The following LYPLAL1 variants were observed in gnomAD, a reference collection of about 807,000 sequenced individuals.
The protein encoded by LYPLAL1 is lysophospholipase-like protein 1.
In LYPLAL1, 23 loss-of-function variants were observed where a neutral mutation model predicts 19.7. That is an observed-to-expected ratio of 1.17 (90% CI 0.84 to 1.65). LYPLAL1 has a LOEUF of 1.65. Ranked by LOEUF, LYPLAL1 falls within the 40% of genes most tolerant of loss-of-function variation. The probability of loss-of-function intolerance (pLI) is 0.00; values close to 1 mark genes in which losing one functional copy is unlikely to be tolerated. For missense variants in LYPLAL1, 355 were observed against 279.4 expected, an observed-to-expected ratio of 1.27 and a Z score of -1.93; for synonymous variants, 119 against 96.3, an observed-to-expected ratio of 1.24 and a Z score of -1.38.
At chr1:219,403,379 C>G in the LYPLAL1 span, among the ~76,000 whole-genome samples, 7 of 152,168 alleles carry the variant, frequency 4.6e-5, no homozygotes, top group African/African-American at 1.7e-4. Flanking sequence ...TCAGAAAACC[C>G]TGGGGGGCTG....
chr1:219,221,899 T>TA, the LYPLAL1 span, among the ~76,000 whole-genome samples: 10 of 151,962 alleles, frequency 6.6e-5, no homozygotes, highest in African/African-American at 1.5e-4. Context: ...AACAATATGT[T>TA]AAAACAATAG....
chr1:219,418,265 G>T, the LYPLAL1 span, among the ~76,000 whole-genome samples: 1 of 152,144 alleles, frequency 6.6e-6, no homozygotes, highest in Non-Finnish European at 1.5e-5. Context: ...TGAGAGGACG[G>T]ACCCTAGGTC....
At chr1:219,343,781 T>C in the LYPLAL1 span, among the ~76,000 whole-genome samples, 6 of 152,288 alleles carry the variant, frequency 3.9e-5, no homozygotes, top group African/African-American at 1.4e-4. Context: ...TCTCATCTAG[T>C]GATCTCACCT....
chr1:219,431,324 C>A, the LYPLAL1 span, among the ~76,000 whole-genome samples: 1 of 152,308 alleles, frequency 6.6e-6, no homozygotes, highest in Non-Finnish European at 1.5e-5. Context: ...CTCCCAAATA[C>A]TTGTGAATGC....
chr1:219,278,535 T>A, the LYPLAL1 span, among the ~76,000 whole-genome samples: 1 of 152,128 alleles, frequency 6.6e-6, no homozygotes, highest in Non-Finnish European at 1.5e-5. Context: ...TCATAAGTGA[T>A]GGGGCTGGGG....
the LYPLAL1 span, among the ~76,000 whole-genome samples, chr1:219,390,677 C>T: frequency 6.6e-6 from 1 of 152,178 alleles, no homozygotes; most frequent in Non-Finnish European, 1.5e-5. Flanking sequence ...GCATATTTCC[C>T]CTTCCCAATG....
chr1:219,182,123 T>C (rs1656342969), intron 2 of LYPLAL1, among the ~76,000 whole-genome samples: 1 of 152,164 alleles, frequency 6.6e-6, no homozygotes, highest in African/African-American at 2.4e-5. Flanking sequence ...TCCTAAGACT[T>C]GACCCTGCAA....
At chr1:219,377,175 A>G in the LYPLAL1 span, among the ~76,000 whole-genome samples, 3 of 152,236 alleles carry the variant, frequency 2.0e-5, no homozygotes, top group Non-Finnish European at 1.5e-5. Context: ...ATTCTGACAC[A>G]TAATACAATA....
At chr1:219,251,561 C>T in the LYPLAL1 span, among the ~76,000 whole-genome samples, 2 of 151,540 alleles carry the variant, frequency 1.3e-5, no homozygotes, top group African/African-American at 4.8e-5. Context: ...TTTTTTTTGT[C>T]AGCTTTGTCA....
At chr1:219,190,854 G>C (rs1657122776) in intron 2 of LYPLAL1, among the ~76,000 whole-genome samples, 1 of 151,486 alleles carries the variant, frequency 6.6e-6, no homozygotes, top group South Asian at 2.1e-4. Context: ...AGAAATCAAT[G>C]TTGATAGTCT....
At chr1:219,385,095 A>C in the LYPLAL1 span, among the ~76,000 whole-genome samples, 3 of 152,278 alleles carry the variant, frequency 2.0e-5, no homozygotes, top group South Asian at 4.1e-4. Context: ...TTGGCTGTAA[A>C]TATGCCCTCC....
At chr1:219,302,497 T>C in the LYPLAL1 span, among the ~76,000 whole-genome samples, 2 of 152,202 alleles carry the variant, frequency 1.3e-5, no homozygotes, top group Middle Eastern at 3.2e-3. Flanking sequence ...AGAATGAAAC[T>C]GATCTGGGTG....
the LYPLAL1 span, among the ~76,000 whole-genome samples, chr1:219,353,349 G>A: frequency 1.3e-5 from 2 of 152,210 alleles, no homozygotes; most frequent in African/African-American, 4.8e-5. Flanking sequence ...TTACTTGAAT[G>A]CCAGGTTTAC....
chr1:219,350,211 T>G, the LYPLAL1 span, among the ~76,000 whole-genome samples: 1 of 152,198 alleles, frequency 6.6e-6, no homozygotes, highest in East Asian at 1.9e-4. Context: ...TTCAGATCGA[T>G]GAAGCCACAG....
chr1:219,422,877 A>T, the LYPLAL1 span, among the ~76,000 whole-genome samples: 2 of 152,284 alleles, frequency 1.3e-5, no homozygotes, highest in East Asian at 3.9e-4. Flanking sequence ...TATGTGTACC[A>T]AATATTAGTC....
chr1:219,268,522 A>G, the LYPLAL1 span, among the ~76,000 whole-genome samples: 1 of 152,224 alleles, frequency 6.6e-6, no homozygotes, highest in African/African-American at 2.4e-5. Context: ...GAATAGTCAG[A>G]TGAGCTCATG....
chr1:219,318,965 C>G, the LYPLAL1 span, among the ~76,000 whole-genome samples: 1 of 152,034 alleles, frequency 6.6e-6, no homozygotes. Flanking sequence ...TCACTGACCC[C>G]TTGGGATTGC....
At chr1:219,324,156 G>A in the LYPLAL1 span, among the ~76,000 whole-genome samples, 1 of 152,180 alleles carries the variant, frequency 6.6e-6, no homozygotes, top group Non-Finnish European at 1.5e-5. Context: ...CCAGATGGTT[G>A]TTACTAGGAA....
the LYPLAL1 span, chr1:219,442,663 C>T: frequency 1.3e-5 from 2 of 152,308 alleles, no homozygotes; most frequent in Admixed American, 1.3e-4. Context: ...TTGACTCAAC[C>T]ATGGTTAGCT....
Sources: gnomAD v4.1 joint callset for allele counts (sites outside exome capture counted in the v4.1 genomes callset) on GRCh38, gnomAD v4.1.1 for gene constraint, MANE v1.5 for transcripts, NCBI Gene and HGNC (gene_info 2026-07-23, HGNC 2026-07-21) for gene names.